DNAL4: variants seen among roughly 807,000 people sequenced by gnomAD.
The protein encoded by DNAL4 is dynein light chain, outer arm 4.
In DNAL4, 10 loss-of-function variants were observed where a neutral mutation model predicts 12.6. The ratio of observed to expected loss-of-function variants is 0.79; its 90% CI spans 0.49 to 1.34. DNAL4 has a LOEUF of 1.34. Ranked by LOEUF, DNAL4 falls within the 40% of genes most tolerant of loss-of-function variation. The pLI, the probability that DNAL4 is intolerant of heterozygous loss-of-function variation, is 0.00. For missense variants in DNAL4, 128 were observed against 138.1 expected (o/e 0.93, Z 0.37); for synonymous variants, 46 against 53.1 (o/e 0.87, Z 0.58).
chr22:38,784,199 C>T (rs1025530119), intron 1 of DNAL4, among the ~76,000 whole-genome samples: 4 of 152,208 alleles, frequency 2.6e-5, no homozygotes, highest in Non-Finnish European at 4.4e-5. Flanking sequence ...TCCTGCCTGT[C>T]GGTGTTTCAC....
intron 1 of DNAL4, among the ~76,000 whole-genome samples, chr22:38,787,360 G>C (rs1189890243): frequency 6.6e-6 from 1 of 151,696 alleles, no homozygotes; most frequent in Non-Finnish European, 1.5e-5. Flanking sequence ...TTCTGACTCA[G>C]CCTCCCAAGT....
Position 38,779,346 on chromosome 22 carries a change from C to A in DNAL4, c.*103G>T. ...GGTACACAAAGACAAAAAGAAAAGA[C>A]CCCAACTCTCCTTGGAAAAACCAGG... is the stretch of plus-strand genomic sequence containing the variant. On this transcript the variant is annotated 3_prime_UTR_variant, in exon 4 of 4. Coordinates refer to ENST00000216068, the MANE Select transcript of DNAL4 (RefSeq NM_005740.3). The surrounding 1 kb of genome is among the most constrained non-coding windows in gnomAD (Gnocchi z 4.3). The A allele has an allele frequency of 7.1e-7, 1 of 1,400,396 alleles. No homozygotes were observed. The allele number at this position is 1,400,396 out of a possible 1,614,324, so 86.7% of individuals were successfully genotyped here.
chr22:38,783,275 C>G (rs1603239453), intron 1 of DNAL4, among the ~76,000 whole-genome samples: 1 of 144,312 alleles, frequency 6.9e-6, no homozygotes, highest in Admixed American at 6.8e-5. Flanking sequence ...GCCTTCCCTC[C>G]CACTACATAC....
intron 1 of DNAL4, among the ~76,000 whole-genome samples, chr22:38,792,200 T>C (rs376436090): frequency 1.2e-3 from 187 of 152,228 alleles, no homozygotes; most frequent in Non-Finnish European, 2.3e-3. Context: ...CACAAACACA[T>C]TGTACAGCTA....
rs568171586 is a variant in DNAL4, at chr22:38,779,252, C to T, written c.*197G>A. On this transcript the variant is annotated 3_prime_UTR_variant, in exon 4 of 4. Coordinates refer to ENST00000216068, the MANE Select transcript of DNAL4 (RefSeq NM_005740.3). The surrounding 1 kb of genome is among the most constrained non-coding windows in gnomAD (Gnocchi z 4.3). ...CTGCCCCGTCCACACCCTGAGACTC[C>T]GAGGGAGACGGTTGAGAGCCTGGGG... is the stretch of plus-strand genomic sequence containing the variant. The T allele has an allele frequency of 4.7e-5, 33 of 704,426 alleles. No homozygotes were observed. The South Asian group carries it at 6.4e-4, about 14-fold the overall frequency. 43.6% of individuals were successfully genotyped at this position (704,426 alleles called of 1,614,324 possible).
intron 1 of DNAL4, among the ~76,000 whole-genome samples, chr22:38,789,919 C>T (rs1320342041): frequency 3.3e-5 from 5 of 152,182 alleles, no homozygotes; most frequent in African/African-American, 1.2e-4. Context: ...GTCTAACAGT[C>T]CGATTTGGCT....
In DNAL4 at chr22:38,779,264, T is replaced by C. The variant is rs771268417; in HGVS notation, c.*185A>G. ...CACCCTGAGACTCCGAGGGAGACGG[T>C]TGAGAGCCTGGGGATGGAGATGTCA... is the stretch of plus-strand genomic sequence containing the variant. On this transcript the variant is annotated 3_prime_UTR_variant, in exon 4 of 4. Coordinates refer to ENST00000216068, the MANE Select transcript of DNAL4 (RefSeq NM_005740.3). The surrounding 1 kb of genome is among the most constrained non-coding windows in gnomAD (Gnocchi z 4.3). 15 of 782,890 alleles carry C rather than the reference T, an allele frequency of 1.9e-5. No individual in the cohort carries two copies. The highest frequency in any genetic ancestry group is 2.7e-5 in the Non-Finnish European group (14 of 519,174). 48.5% of individuals were successfully genotyped at this position (782,890 alleles called of 1,614,324 possible).
At chr22:38,792,510 TG>T (rs1382791569) in intron 1 of DNAL4, among the ~76,000 whole-genome samples, 19 of 152,250 alleles carry the variant, frequency 1.2e-4, no homozygotes, top group African/African-American at 4.6e-4. Context: ...CTCAAACTCT[TG>T]ACCTCAGGTG....
Position 38,783,412 on chromosome 22 carries a change from CGGGCCTTCCCTCCTGCTACACACAT to C in DNAL4, c.-139-567_-139-543del, listed in dbSNP as rs2093037587. Among the ~76,000 whole-genome samples, 5 of 144,226 alleles carry C rather than the reference CGGGCCTTCCCTCCTGCTACACACAT, an allele frequency of 3.5e-5. No homozygotes were observed. In the South Asian group the frequency reaches 1.1e-3, roughly 32 times the overall value. The allele number at this position is 144,226 out of a possible 152,430, so 94.6% of individuals were successfully genotyped here. A position where few individuals can be genotyped will look rare whatever the true frequency, so the allele number is the denominator to read the frequency against. The stretch of plus-strand genomic sequence containing the variant: ...CGGGCCTTCCCTCCCACTACACACA[CGGGCCTTCCCTCCTGCTACACACAT>C]GGGCCTTCCTTCCCAGAAGCTGTGC... On this transcript the variant is annotated intron_variant, in intron 1 of 3. Coordinates refer to ENST00000216068, the MANE Select transcript of DNAL4 (RefSeq NM_005740.3).
At chr22:38,786,170 G>C (rs1312015660) in intron 1 of DNAL4, among the ~76,000 whole-genome samples, 2 of 152,212 alleles carry the variant, frequency 1.3e-5, no homozygotes, top group East Asian at 3.8e-4. Context: ...AGAACCAGAG[G>C]TTCTAACAAC....
rs1024241760 is a variant in DNAL4 at position 38,794,139 on chromosome 22, A to G, written c.-211T>C. On this transcript the variant is annotated 5_prime_UTR_variant, in exon 1 of 4. Coordinates refer to ENST00000216068, the MANE Select transcript of DNAL4 (RefSeq NM_005740.3). ...GCCAGGGTTGTCAAGGAGCGAAACA[A>G]GAGTGTCTTAGCAACCAGCAAGGAA... 1.3e-5 allele frequency: 2 copies of G among 152,258 alleles called. No individual in the cohort carries two copies. Among genetic ancestry groups the G allele is most frequent in the African/African-American group, 4.8e-5 (2 of 41,470 alleles). The allele number at this position is 152,258 out of a possible 1,614,324, so 9.4% of individuals were successfully genotyped here. A position where few individuals can be genotyped will look rare whatever the true frequency, so the allele number is the denominator to read the frequency against.
rs566981773 is a variant in DNAL4, at chr22:38,784,804, C to T, written c.-139-1934G>A. ...CTGGGATTACAGGCGTGAGCTACCG[C>T]GCCCAGCCTGCTGGCTCTTTTTCTA... On this transcript the variant is annotated intron_variant, in intron 1 of 3. Coordinates refer to ENST00000216068, the MANE Select transcript of DNAL4 (RefSeq NM_005740.3). Among the ~76,000 whole-genome samples, 14 of 152,330 alleles carry T rather than the reference C, an allele frequency of 9.2e-5. No homozygotes were observed. In the East Asian group the frequency reaches 2.1e-3, roughly 23 times the overall value.
At position 38,779,381 on chromosome 22, in the gene DNAL4, G is replaced by A. The variant is rs572393866; in HGVS notation, c.*68C>T. 50 of 1,512,124 alleles carry A rather than the reference G, an allele frequency of 3.3e-5. No individual in the cohort carries two copies. The African/African-American group carries it at 6.1e-4, about 18-fold the overall frequency. The allele number at this position is 1,512,124 out of a possible 1,614,324, so 93.7% of individuals were successfully genotyped here. A position where few individuals can be genotyped will look rare whatever the true frequency, so the allele number is the denominator to read the frequency against. On this transcript the variant is annotated 3_prime_UTR_variant, in exon 4 of 4. Transcript: ENST00000216068. The surrounding 1 kb of genome is among the most constrained non-coding windows in gnomAD (Gnocchi z 4.3). The stretch of plus-strand genomic sequence containing the variant: ...CCTTGGAAAAACCAGGACCTGCCTA[G>A]GGCTGCTCCCCACCCCAGATGAGTG...
chr22:38,790,719 G>T (rs1275524253), intron 1 of DNAL4, among the ~76,000 whole-genome samples: 1 of 152,174 alleles, frequency 6.6e-6, no homozygotes, highest in African/African-American at 2.4e-5. Context: ...ATGTCATAGA[G>T]TGTACTTACA....
chr22:38,783,311 A>ACGGGCCTTCCCTCCCACTACACACG (rs1198735706), intron 1 of DNAL4, among the ~76,000 whole-genome samples: 63 of 135,800 alleles, frequency 4.6e-4, no homozygotes, highest in Non-Finnish European at 7.2e-4. Flanking sequence ...CACTACACAC[A>ACGGGCCTTCCCTCCCACTACACACG]CGGGCCTTCC....
chr22:38,779,391 C>T lies in DNAL4; in HGVS notation c.*58G>A. Reference sequence around the variant, plus strand: ...ACCAGGACCTGCCTAGGGCTGCTCCCCACCCCAGATGAGTGGCAGGAAAAG... The same window carrying T: ...ACCAGGACCTGCCTAGGGCTGCTCCTCACCCCAGATGAGTGGCAGGAAAAG... On this transcript the variant is annotated 3_prime_UTR_variant, in exon 4 of 4. Transcript: ENST00000216068. The surrounding 1 kb of genome is among the most constrained non-coding windows in gnomAD (Gnocchi z 4.3). 2 of 1,522,890 alleles carry T rather than the reference C, an allele frequency of 1.3e-6. No homozygotes were observed. The highest frequency in any genetic ancestry group is 1.8e-6 in the Non-Finnish European group (2 of 1,130,214). The allele number at this position is 1,522,890 out of a possible 1,614,324, so 94.3% of individuals were successfully genotyped here. A position where few individuals can be genotyped will look rare whatever the true frequency, so the allele number is the denominator to read the frequency against.
chr22:38,784,979 C>CG (rs1203767511), intron 1 of DNAL4, among the ~76,000 whole-genome samples: 1 of 149,568 alleles, frequency 6.7e-6, no homozygotes, highest in East Asian at 2.0e-4. Context: ...GCACAGACCC[C>CG]CCCCCCCATC....
chr22:38,781,627 A>G (rs2093034577), intron 2 of DNAL4, among the ~76,000 whole-genome samples: 1 of 151,922 alleles, frequency 6.6e-6, no homozygotes. Flanking sequence ...TGACAGCCTC[A>G]CTTAGATGTC....
chr22:38,782,117 G>A lies in DNAL4; in HGVS notation c.69+546C>T, dbSNP rs1457016450. ...GGTCTGGCCCCACTGGTGCTGTTAT[G>A]TCCTGCCACCCTTCTCAGCACTCCA... On this transcript the variant is annotated intron_variant, in intron 2 of 3. Coordinates refer to ENST00000216068, the MANE Select transcript of DNAL4 (RefSeq NM_005740.3). This position sits in a 1 kb window ranked among gnomAD's most constrained non-coding sequence, Gnocchi z 5.1. 6.6e-6 allele frequency among the ~76,000 whole-genome samples: 1 copy of A among 152,188 alleles called. No homozygotes were observed. Among genetic ancestry groups the A allele is most frequent in the Non-Finnish European group, 1.5e-5 (1 of 68,036 alleles).
Sources: allele counts gnomAD v4.1 joint callset (sites outside exome capture counted in the v4.1 genomes callset), GRCh38; gene constraint gnomAD v4.1.1; non-coding constraint Gnocchi (gnomAD v3.1); transcripts MANE v1.5; gene names NCBI Gene and HGNC (gene_info 2026-07-23, HGNC 2026-07-21).